IL1RAPL2: variants seen among roughly 807,000 people sequenced by gnomAD.
IL1RAPL2 encodes the protein interleukin 1 receptor accessory protein like 2.
A neutral mutation model predicts 44.1 loss-of-function variants in IL1RAPL2; 3 were observed. That is an observed-to-expected ratio of 0.07 (90% CI 0.03 to 0.18). The LOEUF (loss-of-function observed/expected upper bound fraction) is 0.18, where lower values mean the gene tolerates loss of function less well. IL1RAPL2 is among the 10% of genes least tolerant of loss of function. The pLI is 1.00. For synonymous variants in IL1RAPL2, 181 were observed against 178.8 expected (o/e 1.01, Z -0.10); for missense variants, 391 against 496.4 (o/e 0.79, Z 2.02).
At chrX:104,613,611 A>T (rs1297453921) in intron 1 of IL1RAPL2, among the ~76,000 whole-genome samples, 1 of 110,821 alleles carries the variant, frequency 9.0e-6, no homozygotes, top group African/African-American at 3.3e-5. Context: ...CATCAGGGAT[A>T]CTTGTCTGTA....
intron 5 of IL1RAPL2, among the ~76,000 whole-genome samples, chrX:105,458,750 C>T (rs773305888): frequency 2.8e-4 from 31 of 111,891 alleles, no homozygotes; most frequent in African/African-American, 9.7e-4. Context: ...TGACACTGAT[C>T]GTTTTTGACT....
intron 3 of IL1RAPL2, among the ~76,000 whole-genome samples, chrX:105,202,902 A>T (rs1196263688): frequency 9.0e-6 from 1 of 111,667 alleles, no homozygotes; most frequent in Non-Finnish European, 1.9e-5. Context: ...ATTGTCATGG[A>T]CCTCAAATTG....
At chrX:105,637,225 C>T (rs1569460648) in intron 6 of IL1RAPL2, among the ~76,000 whole-genome samples, 1 of 111,798 alleles carries the variant, frequency 8.9e-6, no homozygotes, top group African/African-American at 3.3e-5. Flanking sequence ...TGCATATACA[C>T]CACTCATATT....
At chrX:105,760,078 C>T (rs1020227443) in intron 10 of IL1RAPL2, among the ~76,000 whole-genome samples, 2 of 111,200 alleles carry the variant, frequency 1.8e-5, no homozygotes, top group Admixed American at 9.6e-5. Context: ...ATGTTAAAGT[C>T]AAGAGAGAAA....
At chrX:105,646,880 G>A (rs776960547) in intron 6 of IL1RAPL2, among the ~76,000 whole-genome samples, 2 of 112,341 alleles carry the variant, frequency 1.8e-5, no homozygotes, top group Admixed American at 9.4e-5. Flanking sequence ...ATTTCTGGGA[G>A]ATGCAGTGTT....
chrX:104,955,901 G>GA (rs1362184691), intron 2 of IL1RAPL2, among the ~76,000 whole-genome samples: 2 of 111,427 alleles, frequency 1.8e-5, no homozygotes, highest in Admixed American at 1.9e-4. Context: ...ATAATTTGGG[G>GA]AAAAAAATAG....
At chrX:105,697,812 T>G (rs184572289) in intron 6 of IL1RAPL2, among the ~76,000 whole-genome samples, 109 of 112,059 alleles carry the variant, frequency 9.7e-4, no homozygotes, top group African/African-American at 3.5e-3. Flanking sequence ...TACCAATTTA[T>G]GTTAAAGCAT....
intron 2 of IL1RAPL2, among the ~76,000 whole-genome samples, chrX:105,150,579 T>A (rs1325911913): frequency 8.9e-6 from 1 of 112,169 alleles, no homozygotes; most frequent in Non-Finnish European, 1.9e-5. Flanking sequence ...CAGACTAGAC[T>A]GGACTGACAG....
intron 2 of IL1RAPL2, among the ~76,000 whole-genome samples, chrX:104,852,861 T>C (rs1020654066): frequency 4.5e-5 from 5 of 111,744 alleles, no homozygotes; most frequent in Non-Finnish European, 9.4e-5. Flanking sequence ...TCCTGACTTA[T>C]GAAGGTGAGG....
chrX:104,936,428 A>G (rs1925028197), intron 2 of IL1RAPL2, among the ~76,000 whole-genome samples: 1 of 110,964 alleles, frequency 9.0e-6, no homozygotes, highest in African/African-American at 3.3e-5. Context: ...CTATGGGTTA[A>G]GGTCAAAAAT....
intron 2 of IL1RAPL2, among the ~76,000 whole-genome samples, chrX:104,778,652 T>C (rs1397155434): frequency 1.2e-5 from 1 of 86,454 alleles, no homozygotes; most frequent in African/African-American, 3.5e-5. Context: ...GAGACTCTGC[T>C]TTCAATTATT....
At chrX:105,348,775 G>A (rs1044496404) in intron 5 of IL1RAPL2, among the ~76,000 whole-genome samples, 1 of 111,759 alleles carries the variant, frequency 8.9e-6, no homozygotes, top group Non-Finnish European at 1.9e-5. Context: ...AGCAGGGAAG[G>A]AGTGCAGCTA....
chrX:104,715,431 A>C (rs1257294988), intron 2 of IL1RAPL2, among the ~76,000 whole-genome samples: 1 of 107,255 alleles, frequency 9.3e-6, no homozygotes, highest in African/African-American at 3.4e-5. Flanking sequence ...AAAAAAAAAA[A>C]AAACCAGATC....
chrX:104,585,293 T>A lies in IL1RAPL2; in HGVS notation c.-20+18242T>A, dbSNP rs1321732225. Among the ~76,000 whole-genome samples, 34 of 11,805 alleles carry A rather than the reference T, an allele frequency of 2.9e-3. 1 individual carries two copies. The South Asian group carries it at 0.062, about 21-fold the overall frequency. The allele number at this position is 11,805 out of a possible 115,157, so 10.3% of individuals were successfully genotyped here. ...ATATTATATATATTATATAATATAT[T>A]ATATATTATATATTATATAATATAT... On this transcript the variant is annotated intron_variant, in intron 1 of 10. Transcript: ENST00000372582.
intron 6 of IL1RAPL2, among the ~76,000 whole-genome samples, chrX:105,499,853 A>AAAATT (rs2036380644): frequency 8.9e-6 from 1 of 112,122 alleles, no homozygotes; most frequent in Non-Finnish European, 1.9e-5. Context: ...GCAATCCTTA[A>AAAATT]AAAATTAAAA....
chrX:104,573,996 A>G lies in IL1RAPL2; in HGVS notation c.-20+6945A>G, dbSNP rs763758280. On this transcript the variant is annotated intron_variant, in intron 1 of 10. Coordinates refer to ENST00000372582, the MANE Select transcript of IL1RAPL2 (RefSeq NM_017416.2). ...TTTCTCAAAGATTTAAATGTAAAAA[A>G]AACTATAAAGACACTCAAAGATATT... 1.8e-3 allele frequency among the ~76,000 whole-genome samples: 202 copies of G among 111,887 alleles called. 1 individual carries two copies. Among genetic ancestry groups the G allele is most frequent in the Non-Finnish European group, 2.2e-3 (116 of 53,104 alleles).
chrX:105,282,375 T>C (rs1321382), intron 5 of IL1RAPL2, among the ~76,000 whole-genome samples: 28,734 of 111,447 alleles, frequency 0.26, 7,537 homozygotes, highest in African/African-American at 0.81. Context: ...AGTTCAAGTC[T>C]GTAAATCATT....
intron 2 of IL1RAPL2, among the ~76,000 whole-genome samples, chrX:104,982,592 G>C (rs1433741849): frequency 1.8e-5 from 2 of 110,278 alleles, no homozygotes; most frequent in African/African-American, 6.6e-5. Flanking sequence ...TAATATACAG[G>C]CAAATATAAA....
intron 5 of IL1RAPL2, among the ~76,000 whole-genome samples, chrX:105,340,088 A>G (rs2035059400): frequency 9.0e-6 from 1 of 111,709 alleles, no homozygotes; most frequent in Non-Finnish European, 1.9e-5. Context: ...CTATCCAACT[A>G]GTAACTCCAC....
Sources: gnomAD v4.1 joint callset for allele counts (sites outside exome capture counted in the v4.1 genomes callset) on GRCh38, gnomAD v4.1.1 for gene constraint, MANE v1.5 for transcripts, NCBI Gene and HGNC (gene_info 2026-07-23, HGNC 2026-07-21) for gene names.